GHITM: variants seen among roughly 807,000 people sequenced by gnomAD.
GHITM encodes growth hormone inducible transmembrane protein.
A neutral mutation model predicts 38.7 loss-of-function variants in GHITM; 24 were observed. That is an observed-to-expected ratio of 0.62 (90% confidence interval 0.45 to 0.87). The LOEUF is 0.87. Ranked by LOEUF, GHITM falls within the 40% of genes least tolerant of loss-of-function variation. GHITM has a pLI of 0.00. For missense variants in GHITM, 420 were observed against 429.8 expected, an observed-to-expected ratio of 0.98 and a Z score of 0.20; for synonymous variants, 154 against 147.8, an observed-to-expected ratio of 1.04 and a Z score of -0.30.
intron 5 of GHITM, 140 bp from the exon 6 acceptor site, chr10:84,148,590 C>T (rs933173290): frequency 6.2e-5 from 38 of 609,846 alleles, no homozygotes; most frequent in Non-Finnish European, 1.1e-4. Context: ...GCCACCACGC[C>T]TGGCCTTAAG....
intron 7 of GHITM, 50 bp from the exon 8 acceptor site, chr10:84,150,659 A>G: frequency 7.0e-7 from 1 of 1,433,976 alleles, no homozygotes; most frequent in South Asian, 1.3e-5. Context: ...AAACTCAGTT[A>G]TCGGAAATCC....
intron 5 of GHITM, among the ~76,000 whole-genome samples, chr10:84,148,353 C>T (rs1281157668): frequency 1.4e-4 from 21 of 152,080 alleles, no homozygotes; most frequent in Admixed American, 1.3e-3. Context: ...AGTGCAGTGG[C>T]ACGATCTTGC....
chr10:84,144,808 T>C, intron 4 of GHITM, 67 bp from the exon 5 acceptor site: 2 of 1,076,496 alleles, frequency 1.9e-6, no homozygotes. Flanking sequence ...GTCGCCCAGC[T>C]AGTGTGTGAC....
rs747348841 is a variant in GHITM at position 84,144,091 on chromosome 10, C to G, written c.326C>G (p.Ala109Gly). 7.5e-6 allele frequency: 12 copies of G among 1,608,106 alleles called. No individual in the cohort carries two copies. Among genetic ancestry groups the G allele is most frequent in the Non-Finnish European group, 1.0e-5 (12 of 1,174,478 alleles). The change falls in exon 4 of 9, where the codon GCT (alanine) becomes GGT (glycine). Residue 109 changes from alanine (A) to glycine (G), a missense_variant. By Grantham distance (60) the Ala-to-Gly change is moderately conservative. Coordinates refer to ENST00000372134, the MANE Select transcript of GHITM (RefSeq NM_014394.3). ...YGLGLSNEIGAIEKAVIWPQY... is the reference protein window; with the variant it reads ...YGLGLSNEIGGIEKAVIWPQY... Reference sequence around the variant, plus strand: ...TTGGGACTGTCTAATGAGATTGGAGCTATTGAAAAGGCTGTGTAAGTAAAT... The same window carrying G: ...TTGGGACTGTCTAATGAGATTGGAGGTATTGAAAAGGCTGTGTAAGTAAAT...
chr10:84,149,604 C>G (rs1417605256), intron 6 of GHITM, among the ~76,000 whole-genome samples: 1 of 152,046 alleles, frequency 6.6e-6, no homozygotes, highest in Non-Finnish European at 1.5e-5. Flanking sequence ...GTTAGCAGTC[C>G]TTATTACATA....
intron 2 of GHITM, 139 bp downstream of exon 2, chr10:84,141,768 C>A: frequency 1.3e-6 from 1 of 763,626 alleles, no homozygotes; most frequent in East Asian, 2.5e-5. Context: ...TCTTTCTCCC[C>A]ATTAGTTTGT....
In GHITM at chr10:84,144,912, A is replaced by G. The variant is rs1043539018; in HGVS notation, c.379A>G (p.Thr127Ala). 1 of 1,605,934 alleles carries G rather than the reference A, an allele frequency of 6.2e-7. No homozygotes were observed. The highest frequency in any genetic ancestry group is 8.5e-7 in the Non-Finnish European group (1 of 1,174,208). Residue 127 changes from threonine (T) to alanine (A), a missense_variant, in exon 5 of 9, where the codon ACC becomes GCC. Thr to Ala is a moderately conservative substitution (Grantham distance 58). Coordinates refer to ENST00000372134, the MANE Select transcript of GHITM (RefSeq NM_014394.3). ...GTATGTCAAGGATAGAATTCATTCC[A>G]CCTATATGTACTTAGCAGGGAGTAT... Reference protein sequence around the residue: ...PQYVKDRIHSTYMYLAGSIGL... With the variant: ...PQYVKDRIHSAYMYLAGSIGL...
At chr10:84,151,240 A>G (rs1214984813) in intron 8 of GHITM, among the ~76,000 whole-genome samples, 1 of 152,104 alleles carries the variant, frequency 6.6e-6, no homozygotes, top group African/African-American at 2.4e-5. Context: ...TTAGGATTTC[A>G]TTATATTTTG....
rs772626711 is a variant in GHITM at position 84,144,118 on chromosome 10, GT to G, written c.341+16del. 3.2e-6 allele frequency: 5 copies of G among 1,548,258 alleles called. No individual in the cohort carries two copies. The East Asian group carries it at 1.1e-4, about 35-fold the overall frequency. On this transcript the variant is annotated intron_variant, in intron 4 of 8. Coordinates refer to ENST00000372134, the MANE Select transcript of GHITM (RefSeq NM_014394.3). The stretch of plus-strand genomic sequence containing the variant: ...ATTGAAAAGGCTGTGTAAGTAAATT[GT>G]TTTAAGTAAACTGTTCCTAAACAAC...
rs964093454 is a variant in GHITM at position 84,153,465 on chromosome 10, C to T, written c.*1117C>T. Among the ~76,000 whole-genome samples the T allele has an allele frequency of 2.6e-5, 4 of 152,220 alleles. No homozygotes were observed. Among genetic ancestry groups the T allele is most frequent in the African/African-American group, 9.6e-5 (4 of 41,458 alleles). ...ATTAGTTTCCCCTAGCAGACTTTTA[C>T]TTCTCTTACACTGCTACACCATTAC... is the stretch of plus-strand genomic sequence containing the variant. On this transcript the variant is annotated 3_prime_UTR_variant, in exon 9 of 9. Transcript: ENST00000372134.
chr10:84,142,995 C>A (rs893325059), intron 3 of GHITM, among the ~76,000 whole-genome samples: 3 of 151,930 alleles, frequency 2.0e-5, no homozygotes, highest in African/African-American at 7.3e-5. Context: ...TATTAATATG[C>A]CATGGTCCAA....
intron 1 of GHITM, chr10:84,140,521 A>C (rs1841496117): frequency 6.6e-6 from 1 of 152,206 alleles, no homozygotes; most frequent in Admixed American, 6.5e-5. Context: ...TAGTCTGAAC[A>C]CGGAATCCTT....
chr10:84,149,720 CT>C (rs1841592605), intron 6 of GHITM, among the ~76,000 whole-genome samples: 1 of 152,086 alleles, frequency 6.6e-6, no homozygotes, highest in Non-Finnish European at 1.5e-5. Flanking sequence ...TTGTTTTAAG[CT>C]TGTTTATCTC....
At chr10:84,146,458 T>G (rs566982151) in intron 5 of GHITM, among the ~76,000 whole-genome samples, 1 of 152,296 alleles carries the variant, frequency 6.6e-6, no homozygotes, top group Admixed American at 6.5e-5. Context: ...ATTCCCCACA[T>G]AGGGACGAAA....
intron 5 of GHITM, among the ~76,000 whole-genome samples, chr10:84,147,893 C>T (rs745698625): frequency 7.2e-5 from 11 of 152,030 alleles, no homozygotes; most frequent in Non-Finnish European, 1.5e-4. Flanking sequence ...TTTTCTTTTC[C>T]ATGTGCTGTG....
Position 84,150,786 on chromosome 10 carries a change from T to G in GHITM, c.859T>G (p.Phe287Val). Reference protein sequence around the residue: ...SVAMYGGLVLFSMFLLYDTQK... With the variant: ...SVAMYGGLVLVSMFLLYDTQK... Reference sequence around the variant, plus strand: ...GGCAATGTACGGTGGATTAGTTCTTTTCAGCATGTTCCTTCTGTATGATAC... The same window carrying G: ...GGCAATGTACGGTGGATTAGTTCTTGTCAGCATGTTCCTTCTGTATGATAC... Residue 287 changes from phenylalanine to valine, a missense_variant, in exon 8 of 9, where the codon TTC becomes GTC. By Grantham distance (50) the Phe-to-Val change is conservative (BLOSUM62 -1). Transcript: ENST00000372134. 1 of 1,612,754 alleles carries G rather than the reference T, an allele frequency of 6.2e-7. No individual in the cohort carries two copies. Among genetic ancestry groups the G allele is most frequent in the Non-Finnish European group, 8.5e-7 (1 of 1,178,786 alleles).
Position 84,142,762 on chromosome 10 carries a change from G to A in GHITM, c.229+8G>A, listed in dbSNP as rs1841520059. 8 of 1,464,538 alleles carry A rather than the reference G, an allele frequency of 5.5e-6. No individual in the cohort carries two copies. Among genetic ancestry groups the A allele is most frequent in the Non-Finnish European group, 7.6e-6 (8 of 1,045,920 alleles). The allele number at this position is 1,464,538 out of a possible 1,614,324, so 90.7% of individuals were successfully genotyped here. A position where few individuals can be genotyped will look rare whatever the true frequency, so the allele number is the denominator to read the frequency against. On this transcript the variant is annotated splice_region_variant and intron_variant, in intron 3 of 8. Transcript: ENST00000372134. ...TGGAAAAAATATTTAAAAGTAGGTG[G>A]CTATCTTTAGTTTTTAACCTAGAAT... is the stretch of plus-strand genomic sequence containing the variant.
At chr10:84,148,444 G>T (rs1031840730) in intron 5 of GHITM, among the ~76,000 whole-genome samples, 1 of 151,968 alleles carries the variant, frequency 6.6e-6, no homozygotes, top group East Asian at 1.9e-4. Flanking sequence ...CTACAGGCGC[G>T]CACCACTGCG....
chr10:84,149,675 C>A (rs1841592266), intron 6 of GHITM, among the ~76,000 whole-genome samples: 1 of 152,126 alleles, frequency 6.6e-6, no homozygotes, highest in South Asian at 2.1e-4. Flanking sequence ...CATATGCTTT[C>A]CCTTTTGACA....
Sources: allele counts gnomAD v4.1 joint callset (sites outside exome capture counted in the v4.1 genomes callset), GRCh38; gene constraint gnomAD v4.1.1; transcripts MANE v1.5; gene names NCBI Gene and HGNC (gene_info 2026-07-23, HGNC 2026-07-21).